The following WWOX variants were observed in gnomAD, a reference collection of about 807,000 sequenced individuals.
WWOX encodes WW domain containing oxidoreductase.
WWOX carries 69 observed loss-of-function variants against 46.2 expected under a neutral mutation model. The ratio of observed to expected loss-of-function variants is 1.49; its 90% CI spans 1.23 to 1.82. The LOEUF (loss-of-function observed/expected upper bound fraction) is 1.82, where lower values mean the gene tolerates loss of function less well. Ranked by LOEUF, WWOX falls within the 40% of genes most tolerant of loss-of-function variation. The probability of loss-of-function intolerance (pLI) is 0.00; values close to 1 mark genes in which losing one functional copy is unlikely to be tolerated. For missense variants in WWOX, 919 were observed against 542.6 expected (o/e 1.69, Z -6.89); for synonymous variants, 359 against 202.6 (o/e 1.77, Z -6.56).
intron 8 of WWOX, among the ~76,000 whole-genome samples, chr16:78,906,152 G>C (rs2044958041): frequency 6.6e-6 from 1 of 152,120 alleles, no homozygotes; most frequent in Non-Finnish European, 1.5e-5. Flanking sequence ...AAAATCCTCA[G>C]CGAAACCTCA....
chr16:79,083,137 G>T (rs939761650), intron 8 of WWOX, among the ~76,000 whole-genome samples: 16 of 152,182 alleles, frequency 1.1e-4, no homozygotes, highest in African/African-American at 3.1e-4. Flanking sequence ...TGGGAGCCCA[G>T]TGTGAGTCAT....
At chr16:78,136,353 A>G (rs1208786136) in intron 4 of WWOX, among the ~76,000 whole-genome samples, 1 of 152,210 alleles carries the variant, frequency 6.6e-6, no homozygotes, top group Non-Finnish European at 1.5e-5. Flanking sequence ...ATACATTCAG[A>G]TTCATAACAG....
chr16:78,674,434 G>A (rs1044565603), intron 8 of WWOX, among the ~76,000 whole-genome samples: 8 of 151,940 alleles, frequency 5.3e-5, no homozygotes, highest in Non-Finnish European at 1.2e-4. Context: ...ACAGGCGTCC[G>A]CCACCATGCC....
At chr16:78,735,512 C>T (rs528613037) in intron 8 of WWOX, among the ~76,000 whole-genome samples, 10 of 152,184 alleles carry the variant, frequency 6.6e-5, no homozygotes, top group East Asian at 5.8e-4. Context: ...GGACTTATGC[C>T]GATGTTAACT....
At chr16:78,593,738 GA>G (rs2045407060) in intron 8 of WWOX, among the ~76,000 whole-genome samples, 1 of 16,850 alleles carries the variant, frequency 5.9e-5, no homozygotes, top group South Asian at 4.4e-3. Flanking sequence ...AAAAAAAAAA[GA>G]GAGAGAGAGA....
chr16:78,370,792 G>T (rs1302381909), intron 5 of WWOX, among the ~76,000 whole-genome samples: 1,762 of 95,606 alleles, frequency 0.018, 55 homozygotes, highest in African/African-American at 0.077. Context: ...TTTTTTTGGG[G>T]GGGGGGGGGC....
chr16:78,958,374 C>G (rs974368385), intron 8 of WWOX, among the ~76,000 whole-genome samples: 1 of 152,170 alleles, frequency 6.6e-6, no homozygotes, highest in Non-Finnish European at 1.5e-5. Context: ...GTACAAACCC[C>G]CATGGAAATA....
At chr16:78,681,373 C>T (rs1256588379) in intron 8 of WWOX, among the ~76,000 whole-genome samples, 4 of 152,172 alleles carry the variant, frequency 2.6e-5, no homozygotes, top group Admixed American at 1.3e-4. Flanking sequence ...CACTATACAT[C>T]AGTCTGGGTG....
At chr16:78,738,481 A>C (rs77680477) in intron 8 of WWOX, among the ~76,000 whole-genome samples, 203 of 152,306 alleles carry the variant, frequency 1.3e-3, no homozygotes, top group East Asian at 2.5e-3. Flanking sequence ...ATTTTGAAAT[A>C]ATGAGAATTC....
At chr16:78,607,040 A>G (rs1388483891) in intron 8 of WWOX, among the ~76,000 whole-genome samples, 1 of 152,140 alleles carries the variant, frequency 6.6e-6, no homozygotes, top group Non-Finnish European at 1.5e-5. Context: ...AGAGTTCCCC[A>G]CTTCTCAGAA....
intron 8 of WWOX, among the ~76,000 whole-genome samples, chr16:78,515,418 C>G (rs1001920615): frequency 6.6e-6 from 1 of 152,006 alleles, no homozygotes; most frequent in African/African-American, 2.4e-5. Flanking sequence ...AATGGCATAT[C>G]TGTGTTTGAG....
chr16:78,593,784 A>T (rs1178412624), intron 8 of WWOX, among the ~76,000 whole-genome samples: 2 of 151,862 alleles, frequency 1.3e-5, no homozygotes, highest in African/African-American at 4.8e-5. Context: ...ATCAGAAAGG[A>T]GTAGAGATGA....
At chr16:79,025,204 A>T (rs1037472070) in intron 8 of WWOX, among the ~76,000 whole-genome samples, 2 of 152,196 alleles carry the variant, frequency 1.3e-5, no homozygotes, top group African/African-American at 4.8e-5. Context: ...AGACAATGTC[A>T]CTGAGGCTGG....
chr16:78,520,612 G>C (rs963908944), intron 8 of WWOX, among the ~76,000 whole-genome samples: 1 of 151,512 alleles, frequency 6.6e-6, no homozygotes, highest in African/African-American at 2.4e-5. Context: ...ACTCACTCTA[G>C]ACTGGGAGTG....
intron 8 of WWOX, among the ~76,000 whole-genome samples, chr16:79,093,374 C>T (rs1280849688): frequency 3.3e-5 from 5 of 152,002 alleles, no homozygotes; most frequent in Non-Finnish European, 5.9e-5. Flanking sequence ...AAAATGAGTC[C>T]TTTCAATTAT....
intron 8 of WWOX, among the ~76,000 whole-genome samples, chr16:78,817,049 C>T (rs1414706899): frequency 1.3e-5 from 2 of 151,912 alleles, no homozygotes; most frequent in South Asian, 2.1e-4. Context: ...GTCTGAAGTA[C>T]GTTTGTGGAA....
intron 8 of WWOX, among the ~76,000 whole-genome samples, chr16:78,795,874 G>A (rs2050722801): frequency 6.6e-6 from 1 of 151,978 alleles, no homozygotes; most frequent in Non-Finnish European, 1.5e-5. Context: ...AATAGATGTT[G>A]GCTTTTATTA....
chr16:78,382,738 T>G (rs1195346088), intron 5 of WWOX, among the ~76,000 whole-genome samples: 1 of 152,084 alleles, frequency 6.6e-6, no homozygotes, highest in Non-Finnish European at 1.5e-5. Flanking sequence ...AACAGTTCTA[T>G]GTCTTGAATG....
intron 5 of WWOX, among the ~76,000 whole-genome samples, chr16:78,193,986 T>A (rs1221731957): frequency 6.6e-6 from 1 of 151,738 alleles, no homozygotes; most frequent in Non-Finnish European, 1.5e-5. Flanking sequence ...CCTGCCATTC[T>A]CTTGCCTCAG....
Sources: gnomAD v4.1 joint callset for allele counts (sites outside exome capture counted in the v4.1 genomes callset) on GRCh38, gnomAD v4.1.1 for gene constraint, MANE v1.5 for transcripts, NCBI Gene and HGNC (gene_info 2026-07-23, HGNC 2026-07-21) for gene names.